Variants in RAB33A observed in about 807,000 individuals in gnomAD.
RAB33A encodes the protein ras-related protein Rab-33A.
In RAB33A, 6 loss-of-function variants were observed where a neutral mutation model predicts 12.0. That is an observed-to-expected ratio of 0.50 (90% CI 0.27 to 0.99). RAB33A has a LOEUF of 0.99. Among genes scored for constraint, RAB33A ranks in the 50% least tolerant of loss-of-function variants. The probability of loss-of-function intolerance (pLI) is 0.11; values close to 1 mark genes in which losing one functional copy is unlikely to be tolerated. For missense variants in RAB33A, 109 were observed against 192.0 expected, an observed-to-expected ratio of 0.57 and a Z score of 2.55; for synonymous variants, 70 against 82.4, an observed-to-expected ratio of 0.85 and a Z score of 0.81.
chrX:130,163,337 G>A, the RAB33A span, among the ~76,000 whole-genome samples: 1 of 109,752 alleles, frequency 9.1e-6, no homozygotes, highest in East Asian at 2.8e-4. Flanking sequence ...TTAAAGGTAA[G>A]GTGGAGGGAG....
At chrX:130,123,555 G>A in the RAB33A span, among the ~76,000 whole-genome samples, 5 of 109,571 alleles carry the variant, frequency 4.6e-5, no homozygotes, top group African/African-American at 1.3e-4. Context: ...TTAGCATGGC[G>A]GCATGGTGGT....
At chrX:130,135,878 G>A in the RAB33A span, among the ~76,000 whole-genome samples, 11 of 111,743 alleles carry the variant, frequency 9.8e-5, no homozygotes, top group African/African-American at 3.3e-4. Context: ...GGCCATACCT[G>A]GTCTTCTGAA....
At chrX:130,172,386 C>G (rs898685861) in intron 1 of RAB33A, 66 bp downstream of exon 1, 24 of 1,126,909 alleles carry the variant, frequency 2.1e-5, no homozygotes, top group Admixed American at 1.2e-4. Flanking sequence ...AGGCATAGCT[C>G]TAGCGGTTGT....
chrX:130,112,151 A>G, the RAB33A span, among the ~76,000 whole-genome samples: 3 of 112,172 alleles, frequency 2.7e-5, no homozygotes, highest in African/African-American at 9.7e-5. Flanking sequence ...CAAGTTCCCA[A>G]GGAAAGATCC....
At chrX:130,136,520 A>G in the RAB33A span, 6 of 651,736 alleles carry the variant, frequency 9.2e-6, no homozygotes, top group South Asian at 2.3e-5. Context: ...TCGGAAAATT[A>G]TATCAGGTTA....
At chrX:130,120,215 T>C in the RAB33A span, among the ~76,000 whole-genome samples, 7 of 110,232 alleles carry the variant, frequency 6.4e-5, no homozygotes, top group South Asian at 2.6e-3. Context: ...TAGTTTTTTG[T>C]TTTGTTTTTT....
Position 130,184,822 on chromosome X carries a change from CT to C in RAB33A, c.*83del. ...TTCTGTGCCTGCATAATGCTGACAC[CT>C]GCTTGTTTCCATACAAATTGATATC... On this transcript the variant is annotated 3_prime_UTR_variant, in exon 2 of 2. Transcript: ENST00000257017. 1 of 848,390 alleles carries C rather than the reference CT, an allele frequency of 1.2e-6. No individual in the cohort carries two copies. The highest frequency in any genetic ancestry group is 1.6e-6 in the Non-Finnish European group (1 of 607,880). 69.9% of individuals were successfully genotyped at this position (848,390 alleles called of 1,213,427 possible). A position where few individuals can be genotyped will look rare whatever the true frequency, so the allele number is the denominator to read the frequency against.
the RAB33A span, among the ~76,000 whole-genome samples, chrX:130,126,312 C>T: frequency 6.3e-5 from 7 of 110,647 alleles, no homozygotes; most frequent in Non-Finnish European, 1.3e-4. Context: ...GCCAACGTGG[C>T]GAAACCCCAT....
At chrX:130,117,297 C>T in the RAB33A span, among the ~76,000 whole-genome samples, 3 of 112,596 alleles carry the variant, frequency 2.7e-5, no homozygotes, top group African/African-American at 9.7e-5. Context: ...AGAAGATCAC[C>T]GGCTTTCAAT....
chrX:130,161,578 T>C, the RAB33A span, among the ~76,000 whole-genome samples: 2 of 108,653 alleles, frequency 1.8e-5, no homozygotes, highest in Non-Finnish European at 3.8e-5. Flanking sequence ...TAAATGATTC[T>C]TTACAAGGGA....
the RAB33A span, among the ~76,000 whole-genome samples, chrX:130,123,998 G>A: frequency 8.9e-6 from 1 of 112,409 alleles, no homozygotes; most frequent in Non-Finnish European, 1.9e-5. Flanking sequence ...ACTATGGGAG[G>A]CTGAGGTGGG....
In RAB33A at chrX:130,184,282, C is replaced by T. The variant is rs1445328670; in HGVS notation, c.259-3C>T. On this transcript the variant is annotated splice_region_variant and splice_polypyrimidine_tract_variant and intron_variant, in intron 1 of 1. Coordinates refer to ENST00000257017, the MANE Select transcript of RAB33A (RefSeq NM_004794.3). ...TCCACCTTTGGGTTTTTGTATCTTC[C>T]AGGTTCAGGTGTGGGACACAGCAGG... The T allele has an allele frequency of 1.7e-6, 2 of 1,202,471 alleles. No individual in the cohort carries two copies. Among genetic ancestry groups the T allele is most frequent in the East Asian group, 5.9e-5 (2 of 33,784 alleles).
At chrX:130,162,401 GAGA>G in the RAB33A span, among the ~76,000 whole-genome samples, 2 of 111,994 alleles carry the variant, frequency 1.8e-5, no homozygotes, top group East Asian at 2.8e-4. Flanking sequence ...TTATCTCCTG[GAGA>G]AGGTTAGGAA....
the RAB33A span, chrX:130,137,181 T>C: frequency 8.3e-7 from 1 of 1,210,957 alleles, no homozygotes; most frequent in Non-Finnish European, 1.1e-6. Context: ...TGCCCAAGGC[T>C]CGAGCTGGGA....
At chrX:130,135,303 T>C in the RAB33A span, among the ~76,000 whole-genome samples, 3 of 109,545 alleles carry the variant, frequency 2.7e-5, no homozygotes, top group East Asian at 8.6e-4. Context: ...GCCAGGCTGG[T>C]CTCAAACTCC....
At chrX:130,148,833 CAAAAAAAA>C in the RAB33A span, among the ~76,000 whole-genome samples, 7 of 21,526 alleles carry the variant, frequency 3.3e-4, no homozygotes, top group African/African-American at 1.4e-3. Context: ...AACTCCATCT[CAAAAAAAA>C]AAAAAAAAAA....
the RAB33A span, among the ~76,000 whole-genome samples, chrX:130,133,791 C>A: frequency 2.8e-5 from 3 of 108,512 alleles, no homozygotes; most frequent in Non-Finnish European, 5.7e-5. Context: ...CCATGCCTGG[C>A]TAAATTTTTT....
At chrX:130,150,572 T>C in the RAB33A span, among the ~76,000 whole-genome samples, 8 of 105,616 alleles carry the variant, frequency 7.6e-5, no homozygotes, top group Non-Finnish European at 1.4e-4. Context: ...CCTGACCTCG[T>C]GATCTGCCCG....
intron 1 of RAB33A, among the ~76,000 whole-genome samples, chrX:130,179,478 G>C (rs996580797): frequency 1.8e-5 from 2 of 109,075 alleles, no homozygotes; most frequent in Non-Finnish European, 3.8e-5. Context: ...AAGACTCCTG[G>C]GGGGTGGGGG....
Sources: gnomAD v4.1 joint callset for allele counts (sites outside exome capture counted in the v4.1 genomes callset) on GRCh38, gnomAD v4.1.1 for gene constraint, MANE v1.5 for transcripts, NCBI Gene and HGNC (gene_info 2026-07-23, HGNC 2026-07-21) for gene names.